Variants in MAST4 observed in about 807,000 individuals in gnomAD.
MAST4 encodes microtubule-associated serine/threonine-protein kinase 4.
In MAST4, 89 loss-of-function variants were observed where a neutral mutation model predicts 162.7. The observed-to-expected ratio is 0.55, with a 90% CI of 0.46 to 0.65. The LOEUF is 0.65. MAST4 is among the 30% of genes least tolerant of loss of function. The pLI, the probability that MAST4 is intolerant of heterozygous loss-of-function variation, is 0.00. For synonymous variants in MAST4, 1,479 were observed against 1,361.1 expected (o/e 1.09, Z -1.91); for missense variants, 3,153 against 3,374.0 (o/e 0.93, Z 1.62).
rs541050560 is a variant in MAST4 at position 67,128,321 on chromosome 5, C to T, written c.1746-1889C>T. Among the ~76,000 whole-genome samples, 52 of 152,120 alleles carry T rather than the reference C, an allele frequency of 3.4e-4. 2 individuals are homozygous for T. The South Asian group carries it at 6.4e-3, about 19-fold the overall frequency. On this transcript the variant is annotated intron_variant, in intron 14 of 28. Transcript: ENST00000403625. Reference sequence around the variant, plus strand: ...CATCCTGAAGAGTACCACCAGTCGGCGTGGAAAGTGCTGGGCACCCAGCTG... The same window carrying T: ...CATCCTGAAGAGTACCACCAGTCGGTGTGGAAAGTGCTGGGCACCCAGCTG...
At chr5:67,088,561 G>C (rs993283807) in intron 5 of MAST4, among the ~76,000 whole-genome samples, 5 of 152,188 alleles carry the variant, frequency 3.3e-5, no homozygotes, top group Non-Finnish European at 7.3e-5. Flanking sequence ...AGCTAAATTA[G>C]GGGTGTTGGG....
intron 23 of MAST4, among the ~76,000 whole-genome samples, chr5:67,147,046 T>G (rs1236856599): frequency 6.6e-6 from 1 of 151,850 alleles, no homozygotes; most frequent in Non-Finnish European, 1.5e-5. Context: ...ACCGGAAAGG[T>G]AGGAGGGGAA....
At position 67,166,711 on chromosome 5, in the gene MAST4, G is replaced by A. The variant is rs1205334757; in HGVS notation, c.7532G>A (p.Gly2511Asp). The A allele has an allele frequency of 6.3e-7, 1 of 1,588,918 alleles. No individual in the cohort carries two copies. The highest frequency in any genetic ancestry group is 8.6e-7 in the Non-Finnish European group (1 of 1,167,840). The stretch of plus-strand genomic sequence containing the variant: ...AGGAAGGCTCAGCCTGCCGGGGAGG[G>A]CCGAACCCACATGACAAAGAGTGAC... ...DHRKAQPAGE[G>D]RTHMTKSDSL... is the part of the protein sequence containing the mutation. Residue 2511 changes from glycine (G) to aspartate (D), a missense_variant, in exon 29 of 29, where the codon GGC (glycine) becomes GAC (aspartate). Gly to Asp is a moderately conservative substitution (Grantham distance 94). This residue lies in a region of MAST4 where 1,644 missense variants were observed against 1,495.0 expected (regional missense o/e 1.10). Transcript: ENST00000403625.
At chr5:66,611,735 C>G (rs1743302344) in intron 1 of MAST4, among the ~76,000 whole-genome samples, 1 of 152,228 alleles carries the variant, frequency 6.6e-6, no homozygotes, top group Non-Finnish European at 1.5e-5. Flanking sequence ...CCTGAAAAAC[C>G]TGTAATCAGA....
intron 4 of MAST4, among the ~76,000 whole-genome samples, chr5:66,992,729 T>C (rs1342008873): frequency 2.0e-5 from 3 of 152,332 alleles, no homozygotes; most frequent in East Asian, 1.9e-4. Context: ...AGGGAACTGA[T>C]TGTGAAACAT....
At chr5:66,622,658 T>A (rs1465072553) in intron 1 of MAST4, among the ~76,000 whole-genome samples, 1 of 152,144 alleles carries the variant, frequency 6.6e-6, no homozygotes, top group Non-Finnish European at 1.5e-5. Flanking sequence ...AGGCTCAGGA[T>A]GTGTATTGAA....
chr5:66,740,611 C>G (rs1752430826), intron 1 of MAST4, among the ~76,000 whole-genome samples: 1 of 152,114 alleles, frequency 6.6e-6, no homozygotes, highest in Non-Finnish European at 1.5e-5. Context: ...TGGAGGTGAT[C>G]TTAGGAGGCT....
chr5:66,907,268 G>A (rs1763434146), intron 4 of MAST4, among the ~76,000 whole-genome samples: 1 of 148,130 alleles, frequency 6.8e-6, no homozygotes, highest in Admixed American at 6.7e-5. Flanking sequence ...AGGAACAGAA[G>A]AGGCCAGGCT....
At chr5:67,075,026 C>G (rs1761443697) in intron 5 of MAST4, among the ~76,000 whole-genome samples, 1 of 152,096 alleles carries the variant, frequency 6.6e-6, no homozygotes, top group African/African-American at 2.4e-5. Context: ...CTAAAGTTAT[C>G]CCCTCAGTCT....
At position 66,657,795 on chromosome 5, in the gene MAST4, C is replaced by T. The variant is rs912683269; in HGVS notation, c.363+60777C>T. Among the ~76,000 whole-genome samples the T allele has an allele frequency of 7.9e-5, 12 of 152,148 alleles. No individual in the cohort carries two copies. The East Asian group carries it at 9.6e-4, about 12-fold the overall frequency. On this transcript the variant is annotated intron_variant, in intron 1 of 28. Coordinates refer to ENST00000403625, the MANE Select transcript of MAST4 (RefSeq NM_001164664.2). ...TGTGCCGTGGTTACTGATGGTTGTA[C>T]AGGTTCCTTCATTCTAATTAAATGT...
intron 3 of MAST4, among the ~76,000 whole-genome samples, chr5:66,837,864 T>TTATATATATATATATATATATATATA (rs1209782576): frequency 1.2e-5 from 1 of 82,702 alleles, no homozygotes; most frequent in African/African-American, 5.7e-5. Flanking sequence ...AGACTTGATT[T>TTATATATATATATATATATATATATA]TATATATATA....
chr5:67,007,809 A>T (rs1752218482), intron 4 of MAST4, among the ~76,000 whole-genome samples: 1 of 152,146 alleles, frequency 6.6e-6, no homozygotes, highest in African/African-American at 2.4e-5. Context: ...ACTCTCAGAG[A>T]AAAATATTGA....
intron 1 of MAST4, among the ~76,000 whole-genome samples, chr5:66,706,917 T>G (rs1750168488): frequency 6.6e-6 from 1 of 152,208 alleles, no homozygotes; most frequent in Non-Finnish European, 1.5e-5. Flanking sequence ...GAGTTCGTAG[T>G]CAAGATGTGT....
At chr5:66,822,625 G>A (rs558048142) in intron 3 of MAST4, among the ~76,000 whole-genome samples, 1 of 152,204 alleles carries the variant, frequency 6.6e-6, no homozygotes, top group Admixed American at 6.5e-5. Context: ...GCCCAGGGGG[G>A]TATCTCTAGT....
chr5:66,634,656 A>T (rs1423617830), intron 1 of MAST4, among the ~76,000 whole-genome samples: 1 of 152,204 alleles, frequency 6.6e-6, no homozygotes, highest in Non-Finnish European at 1.5e-5. Flanking sequence ...AATAATCATA[A>T]TAGGCACTCA....
At chr5:66,826,688 C>A (rs542242526) in intron 3 of MAST4, among the ~76,000 whole-genome samples, 29 of 152,086 alleles carry the variant, frequency 1.9e-4, no homozygotes, top group Non-Finnish European at 2.6e-4. Context: ...AGGACCAGCA[C>A]AATGAAGATT....
At chr5:66,716,167 C>T (rs932372849) in intron 1 of MAST4, among the ~76,000 whole-genome samples, 32 of 151,890 alleles carry the variant, frequency 2.1e-4, no homozygotes, top group African/African-American at 5.6e-4. Flanking sequence ...AAAATTTGAG[C>T]GTAAAAGGGA....
chr5:67,091,550 AG>A (rs1170965172), intron 6 of MAST4, among the ~76,000 whole-genome samples: 14 of 152,248 alleles, frequency 9.2e-5, no homozygotes, highest in African/African-American at 3.4e-4. Flanking sequence ...TACTATTCCA[AG>A]TGGAAAGAAT....
chr5:67,000,760 G>GGGA (rs1007296406), intron 4 of MAST4, among the ~76,000 whole-genome samples: 2 of 151,592 alleles, frequency 1.3e-5, no homozygotes, highest in African/African-American at 4.8e-5. Context: ...AAAAAAAGGG[G>GGGA]GGGGGTGGCT....
Sources: allele counts gnomAD v4.1 joint callset (sites outside exome capture counted in the v4.1 genomes callset), GRCh38; gene constraint gnomAD v4.1.1; regional missense constraint gnomAD v4.1.1; transcripts MANE v1.5; gene names NCBI Gene and HGNC (gene_info 2026-07-23, HGNC 2026-07-21).